The following CAMK4 variants were observed in gnomAD, a reference collection of about 807,000 sequenced individuals.
The protein encoded by CAMK4 is calcium/calmodulin-dependent protein kinase type IV.
In CAMK4, 22 loss-of-function variants were observed where a neutral mutation model predicts 44.9. The ratio of observed to expected loss-of-function variants is 0.49; its 90% CI spans 0.35 to 0.70. The LOEUF (loss-of-function observed/expected upper bound fraction) is 0.70, where lower values mean the gene tolerates loss of function less well. Ranked by LOEUF, CAMK4 falls within the 30% of genes least tolerant of loss-of-function variation. CAMK4 has a pLI of 0.01. For missense variants in CAMK4, 498 were observed against 586.8 expected, an observed-to-expected ratio of 0.85 and a Z score of 1.56; for synonymous variants, 218 against 215.4, an observed-to-expected ratio of 1.01 and a Z score of -0.11.
chr5:111,328,086 A>G (rs377092295), intron 1 of CAMK4, among the ~76,000 whole-genome samples: 2 of 126,664 alleles, frequency 1.6e-5, no homozygotes, highest in Admixed American at 1.6e-4. Context: ...GTCCTTGCCC[A>G]TGCCTGTGTC....
intron 2 of CAMK4, among the ~76,000 whole-genome samples, chr5:111,362,775 G>A (rs1750643745): frequency 6.6e-6 from 1 of 151,922 alleles, no homozygotes; most frequent in Admixed American, 6.6e-5. Context: ...GAGGAGTAAA[G>A]ACCCAGCCAG....
chr5:111,330,113 A>T (rs1749100202), intron 1 of CAMK4, among the ~76,000 whole-genome samples: 1 of 145,594 alleles, frequency 6.9e-6, no homozygotes, highest in African/African-American at 2.5e-5. Flanking sequence ...AAAACAAACA[A>T]ATAAAAAACT....
chr5:111,299,276 C>T (rs1426822062), intron 1 of CAMK4, among the ~76,000 whole-genome samples: 1 of 152,298 alleles, frequency 6.6e-6, no homozygotes, highest in East Asian at 1.9e-4. Flanking sequence ...CTCATGTGAG[C>T]TTGTGCTTGG....
chr5:111,315,319 C>T (rs1264040727), intron 1 of CAMK4, among the ~76,000 whole-genome samples: 1 of 152,006 alleles, frequency 6.6e-6, no homozygotes, highest in Non-Finnish European at 1.5e-5. Flanking sequence ...CACCATTTGC[C>T]TGGTGCAGTT....
Position 111,264,566 on chromosome 5 carries a change from A to T in CAMK4, c.161+39922A>T, listed in dbSNP as rs566634173. Reference sequence around the variant, plus strand: ...GAGTCTTATTCACTGCACTAAATCTATTGTCCATGTGGTGTTTGAAGTCAT... The same window carrying T: ...GAGTCTTATTCACTGCACTAAATCTTTTGTCCATGTGGTGTTTGAAGTCAT... On this transcript the variant is annotated intron_variant, in intron 1 of 10. Coordinates refer to ENST00000282356, the MANE Select transcript of CAMK4 (RefSeq NM_001744.6). 4.6e-5 allele frequency among the ~76,000 whole-genome samples: 7 copies of T among 152,196 alleles called. No homozygotes were observed. The South Asian group carries it at 1.5e-3, about 32-fold the overall frequency.
At chr5:111,363,946 T>A (rs1287556171) in intron 2 of CAMK4, among the ~76,000 whole-genome samples, 2 of 152,092 alleles carry the variant, frequency 1.3e-5, no homozygotes, top group African/African-American at 2.4e-5. Flanking sequence ...AAGGACTGAA[T>A]ATAAAGGGTA....
At chr5:111,440,366 T>C (rs1753782132) in intron 5 of CAMK4, among the ~76,000 whole-genome samples, 1 of 152,188 alleles carries the variant, frequency 6.6e-6, no homozygotes, top group South Asian at 2.1e-4. Context: ...ATGACAAATA[T>C]TATTTATTTT....
At chr5:111,455,028 C>T (rs923971722) in intron 7 of CAMK4, among the ~76,000 whole-genome samples, 16 of 152,320 alleles carry the variant, frequency 1.1e-4, no homozygotes, top group Non-Finnish European at 5.9e-5. Flanking sequence ...AGTTCTGAGA[C>T]AGTCCTACTG....
At chr5:111,315,111 T>C (rs1329789285) in intron 1 of CAMK4, among the ~76,000 whole-genome samples, 2 of 152,124 alleles carry the variant, frequency 1.3e-5, no homozygotes, top group Non-Finnish European at 2.9e-5. Flanking sequence ...TTCCATACTT[T>C]ATTTGAAGTG....
intron 1 of CAMK4, among the ~76,000 whole-genome samples, chr5:111,286,779 G>C (rs1751253721): frequency 6.6e-6 from 1 of 152,034 alleles, no homozygotes; most frequent in African/African-American, 2.4e-5. Flanking sequence ...GTCTAAGCTG[G>C]TTGGGAGCTT....
intron 5 of CAMK4, among the ~76,000 whole-genome samples, chr5:111,425,310 G>T (rs1329297299): frequency 6.6e-6 from 1 of 151,978 alleles, no homozygotes; most frequent in Non-Finnish European, 1.5e-5. Context: ...TGCCAGTTTT[G>T]TGAGGTCGTA....
At chr5:111,473,210 C>G (rs951476799) in intron 7 of CAMK4, 101 bp from the exon 8 acceptor site, 2 of 825,202 alleles carry the variant, frequency 2.4e-6, no homozygotes, top group Non-Finnish European at 4.2e-6. Context: ...TAAAACTGTT[C>G]AGAAATTGTT....
Position 111,449,271 on chromosome 5 carries a change from A to C in CAMK4, c.625+68A>C, listed in dbSNP as rs116707761. On this transcript the variant is annotated intron_variant, in intron 7 of 10. Coordinates refer to ENST00000282356, the MANE Select transcript of CAMK4 (RefSeq NM_001744.6). ...AAATGTATTTTTGTTTAGCAATCTC[A>C]TTTTTAAAAATTCCTAATATTTCTA... 2,930 of 701,600 alleles carry C rather than the reference A, an allele frequency of 4.2e-3. 72 individuals carry two copies. The African/African-American group carries it at 0.049, about 12-fold the overall frequency. 43.5% of individuals were successfully genotyped at this position (701,600 alleles called of 1,614,324 possible).
chr5:111,243,909 C>G (rs1749116875), intron 1 of CAMK4, among the ~76,000 whole-genome samples: 1 of 152,152 alleles, frequency 6.6e-6, no homozygotes, highest in Admixed American at 6.5e-5. Context: ...TTTTCAGGAA[C>G]TTAGAGCTGG....
At chr5:111,331,263 A>AT (rs36123688) in intron 1 of CAMK4, among the ~76,000 whole-genome samples, 63,517 of 151,364 alleles carry the variant, frequency 0.42, 13,884 homozygotes, top group South Asian at 0.58. Context: ...ACAAAGTTAT[A>AT]TTTTTTAAAT....
chr5:111,351,792 C>G (rs1295806260), intron 2 of CAMK4, among the ~76,000 whole-genome samples: 1 of 152,118 alleles, frequency 6.6e-6, no homozygotes, highest in East Asian at 1.9e-4. Flanking sequence ...GAGGTAGGTG[C>G]TATCATTATT....
chr5:111,226,556 A>G (rs1351727277), intron 1 of CAMK4, among the ~76,000 whole-genome samples: 1 of 152,268 alleles, frequency 6.6e-6, no homozygotes, highest in African/African-American at 2.4e-5. Flanking sequence ...AAACATGCTC[A>G]GAACACTTAA....
chr5:111,242,854 C>A (rs1004004289), intron 1 of CAMK4, among the ~76,000 whole-genome samples: 10 of 152,110 alleles, frequency 6.6e-5, no homozygotes, highest in Non-Finnish European at 1.2e-4. Context: ...TCTTTCTACA[C>A]CCCTCTTCCA....
At chr5:111,362,097 A>G (rs1463768991) in intron 2 of CAMK4, among the ~76,000 whole-genome samples, 1 of 152,082 alleles carries the variant, frequency 6.6e-6, no homozygotes, top group Non-Finnish European at 1.5e-5. Context: ...AACGTTTCAC[A>G]GGGACTAGGA....
Sources: gnomAD v4.1 joint callset for allele counts (sites outside exome capture counted in the v4.1 genomes callset) on GRCh38, gnomAD v4.1.1 for gene constraint, MANE v1.5 for transcripts, NCBI Gene and HGNC (gene_info 2026-07-23, HGNC 2026-07-21) for gene names.